The following NRG1 variants were observed in gnomAD, a reference collection of about 807,000 sequenced individuals.
NRG1 encodes neuregulin 1, also known as pro-neuregulin-1, membrane-bound isoform.
NRG1 carries 18 observed loss-of-function variants against 63.8 expected under a neutral mutation model. The ratio of observed to expected loss-of-function variants is 0.28; its 90% CI spans 0.19 to 0.42. The LOEUF (loss-of-function observed/expected upper bound fraction) is 0.42, where lower values mean the gene tolerates loss of function less well. Ranked by LOEUF, NRG1 falls within the 10% of genes least tolerant of loss-of-function variation. NRG1 has a pLI of 1.00. For synonymous variants in NRG1, 302 were observed against 301.3 expected, an observed-to-expected ratio of 1.00 and a Z score of -0.02; for missense variants, 762 against 814.7, an observed-to-expected ratio of 0.94 and a Z score of 0.79.
chr8:32,247,702 C>A (rs979783277), intron 1 of NRG1, among the ~76,000 whole-genome samples: 1 of 151,996 alleles, frequency 6.6e-6, no homozygotes, highest in Non-Finnish European at 1.5e-5. Context: ...AAAGTAAGCA[C>A]AGGCAGTAAC....
chr8:32,531,584 G>T (rs1831455609), intron 1 of NRG1, among the ~76,000 whole-genome samples: 1 of 152,092 alleles, frequency 6.6e-6, no homozygotes. Context: ...ATTTTAAAAA[G>T]TTATTGTGGC....
intron 1 of NRG1, among the ~76,000 whole-genome samples, chr8:31,913,716 C>G (rs1833138553): frequency 6.6e-6 from 1 of 152,170 alleles, no homozygotes; most frequent in Admixed American, 6.6e-5. Flanking sequence ...TAATCCCCCA[C>G]TTCCATTACG....
At chr8:32,164,156 C>T (rs1839157786) in intron 1 of NRG1, among the ~76,000 whole-genome samples, 1 of 151,732 alleles carries the variant, frequency 6.6e-6, no homozygotes, top group African/African-American at 2.4e-5. Context: ...TTCTATGCCC[C>T]TTTTGTTTCT....
intron 1 of NRG1, among the ~76,000 whole-genome samples, chr8:31,904,707 C>T (rs2129615888): frequency 6.6e-6 from 1 of 152,248 alleles, no homozygotes; most frequent in South Asian, 2.1e-4. Context: ...TTAAAAAGAA[C>T]AAGATCATGC....
intron 1 of NRG1, among the ~76,000 whole-genome samples, chr8:32,138,830 G>T (rs1422409689): frequency 6.6e-6 from 1 of 151,944 alleles, no homozygotes; most frequent in Non-Finnish European, 1.5e-5. Flanking sequence ...ACCCACCTCG[G>T]CCTCCCTAGG....
At chr8:32,513,922 A>G (rs1038862897) in intron 1 of NRG1, among the ~76,000 whole-genome samples, 1 of 152,218 alleles carries the variant, frequency 6.6e-6, no homozygotes, top group African/African-American at 2.4e-5. Flanking sequence ...GGGAGAGCCA[A>G]CTAGTGGGTA....
Position 31,640,516 on chromosome 8 carries a change from G to A in NRG1, c.37+1085G>A. On this transcript the variant is annotated intron_variant, in intron 1 of 10. Transcript: ENST00000519301. This position sits in a 1 kb window ranked among gnomAD's most constrained non-coding sequence, Gnocchi z 6.3. Reference sequence around the variant, plus strand: ...GGTGAAAGCCGGGGGCTTGAAGAAGGACTCGCTGCTCACCGTGCGCCTGGG... The same window carrying A: ...GGTGAAAGCCGGGGGCTTGAAGAAGAACTCGCTGCTCACCGTGCGCCTGGG... The A allele has an allele frequency of 6.2e-7, 1 of 1,611,326 alleles. No homozygotes were observed. Among genetic ancestry groups the A allele is most frequent in the Non-Finnish European group, 8.5e-7 (1 of 1,179,276 alleles).
At chr8:32,366,891 T>C (rs1563367398) in intron 1 of NRG1, among the ~76,000 whole-genome samples, 1 of 151,808 alleles carries the variant, frequency 6.6e-6, no homozygotes. Flanking sequence ...TTGCATTTTT[T>C]AGTAGAGACA....
chr8:31,876,059 AAAC>A (rs1829892654), intron 1 of NRG1, among the ~76,000 whole-genome samples: 1 of 151,934 alleles, frequency 6.6e-6, no homozygotes, highest in African/African-American at 2.4e-5. Context: ...ACAAACAAAC[AAAC>A]AAACAATTGG....
intron 3 of NRG1, among the ~76,000 whole-genome samples, chr8:32,607,699 C>A (rs1845498077): frequency 6.6e-6 from 1 of 152,104 alleles, no homozygotes; most frequent in Admixed American, 6.6e-5. Flanking sequence ...GTCTAGTGAT[C>A]AAATTTGAAT....
chr8:32,024,039 T>TAG (rs1367772535), intron 1 of NRG1, among the ~76,000 whole-genome samples: 1 of 152,202 alleles, frequency 6.6e-6, no homozygotes, highest in Non-Finnish European at 1.5e-5. Context: ...TGCTGCCTCT[T>TAG]ATCAATGGGT....
chr8:32,553,435 T>C (rs955960517), intron 1 of NRG1, among the ~76,000 whole-genome samples: 1 of 152,198 alleles, frequency 6.6e-6, no homozygotes, highest in Non-Finnish European at 1.5e-5. Flanking sequence ...TATTAATATG[T>C]ACTACCTGTA....
chr8:32,740,518 A>G (rs1252335183), intron 6 of NRG1, among the ~76,000 whole-genome samples: 1 of 152,068 alleles, frequency 6.6e-6, no homozygotes, highest in Non-Finnish European at 1.5e-5. Context: ...TCTTATTGAC[A>G]TGTTTCTCAA....
rs573712362 is a variant in NRG1 at position 32,362,884 on chromosome 8, A to G, written c.38-232944A>G. 2.6e-5 allele frequency among the ~76,000 whole-genome samples: 4 copies of G among 152,300 alleles called. No individual in the cohort carries two copies. In the East Asian group the frequency reaches 7.7e-4, roughly 29 times the overall value. On this transcript the variant is annotated intron_variant, in intron 1 of 10. Transcript: ENST00000519301. Reference sequence around the variant, plus strand: ...ACATGTGACAGATACTCATGAGAACATTGGGAGCCTGAAGCCCCGTTTTCC... The same window carrying G: ...ACATGTGACAGATACTCATGAGAACGTTGGGAGCCTGAAGCCCCGTTTTCC...
intron 1 of NRG1, among the ~76,000 whole-genome samples, chr8:32,534,715 C>G (rs965854995): frequency 4.6e-5 from 7 of 152,154 alleles, no homozygotes; most frequent in African/African-American, 1.7e-4. Flanking sequence ...CTGATTGTAA[C>G]AGTTTAATCA....
intron 1 of NRG1, among the ~76,000 whole-genome samples, chr8:31,918,311 C>T (rs1173116927): frequency 6.6e-6 from 1 of 152,102 alleles, no homozygotes; most frequent in Non-Finnish European, 1.5e-5. Flanking sequence ...CAGTTTTTGC[C>T]CATTCAGTAT....
At chr8:32,446,824 A>T (rs1217657535) in intron 1 of NRG1, among the ~76,000 whole-genome samples, 3 of 151,996 alleles carry the variant, frequency 2.0e-5, no homozygotes, top group Non-Finnish European at 4.4e-5. Context: ...GCTTAAGAGG[A>T]TTCTCATTTC....
At chr8:31,954,809 G>A (rs370155160) in intron 1 of NRG1, among the ~76,000 whole-genome samples, 32 of 152,110 alleles carry the variant, frequency 2.1e-4, no homozygotes, top group African/African-American at 7.7e-4. Context: ...TTCCCCTAGA[G>A]ATCTGTCAAT....
rs780496777 is a variant in NRG1, at chr8:31,934,420, C to CTCTTTTTTTTTT, written c.37+294990_37+294991insCTTTTTTTTTTT. 1.9e-5 allele frequency among the ~76,000 whole-genome samples: 2 copies of CTCTTTTTTTTTT among 108,062 alleles called. 1 individual carries two copies. 70.9% of individuals were successfully genotyped at this position (108,062 alleles called of 152,430 possible). A position where few individuals can be genotyped will look rare whatever the true frequency, so the allele number is the denominator to read the frequency against. On this transcript the variant is annotated intron_variant, in intron 1 of 10. Transcript: ENST00000519301. ...ATACACACACCCCTTTATTCGCTCT[C>CTCTTTTTTTTTT]TTTTTTTTTTTTTTTTTTTTTTTAG... is the stretch of plus-strand genomic sequence containing the variant.
Sources: gnomAD v4.1 joint callset for allele counts (sites outside exome capture counted in the v4.1 genomes callset) on GRCh38, gnomAD v4.1.1 for gene constraint, Gnocchi (gnomAD v3.1) non-coding constraint, MANE v1.5 for transcripts, NCBI Gene and HGNC (gene_info 2026-07-23, HGNC 2026-07-21) for gene names.